The following TUBG1 variants were observed in gnomAD, a reference collection of about 807,000 sequenced individuals.
The protein encoded by TUBG1 is tubulin gamma 1.
In TUBG1, 22 loss-of-function variants were observed where a neutral mutation model predicts 53.3. The observed-to-expected ratio is 0.41, with a 90% CI of 0.29 to 0.59. TUBG1 has a LOEUF of 0.59. Ranked by LOEUF, TUBG1 falls within the 20% of genes least tolerant of loss-of-function variation. The pLI is 0.26. For synonymous variants in TUBG1, 198 were observed against 236.7 expected (o/e 0.84, Z 1.50); for missense variants, 217 against 598.9 (o/e 0.36, Z 6.66).
chr17:42,611,818 T>C (rs1280184356), intron 3 of TUBG1, among the ~76,000 whole-genome samples: 1 of 149,438 alleles, frequency 6.7e-6, no homozygotes, highest in Non-Finnish European at 1.5e-5. Flanking sequence ...ATCGCGCCAC[T>C]GCACTCCAGC....
At position 42,615,170 on chromosome 17, in the gene TUBG1, C is replaced by A. The variant is rs2052067142; in HGVS notation, c.*129C>A. 1 of 803,100 alleles carries A rather than the reference C, an allele frequency of 1.2e-6. No homozygotes were observed. Among genetic ancestry groups the A allele is most frequent in the Non-Finnish European group, 2.0e-6 (1 of 505,684 alleles). 49.7% of individuals were successfully genotyped at this position (803,100 alleles called of 1,614,324 possible). ...CTCATATACATGGACTCTCTGTTGG[C>A]CTGCAAACACATTTACTTCTCCTCT... is the stretch of plus-strand genomic sequence containing the variant. On this transcript the variant is annotated 3_prime_UTR_variant, in exon 11 of 11. Transcript: ENST00000251413.
At position 42,614,222 on chromosome 17, in the gene TUBG1, T is replaced by G; in HGVS notation, c.844-38T>G. On this transcript the variant is annotated intron_variant, in intron 8 of 10. Transcript: ENST00000251413. This position sits in a 1 kb window ranked among gnomAD's most constrained non-coding sequence, Gnocchi z 5.1. ...GAGAAGCCAAAGGGGGACTGTGCCC[T>G]GAGCGCTGGCCGGGTCCCTGTCTCA... 1 of 1,613,482 alleles carries G rather than the reference T, an allele frequency of 6.2e-7. No individual in the cohort carries two copies.
chr17:42,612,486 C>T lies in TUBG1; in HGVS notation c.459C>T (p.Leu153=), dbSNP rs750864269. The T allele has an allele frequency of 5.0e-6, 8 of 1,614,060 alleles. No individual in the cohort carries two copies. In the Admixed American group the frequency reaches 1.3e-4, roughly 27 times the overall value. ...CAGGCTCTGGACTGGGTTCCTACCT[C>T]TTAGAACGGCTGAATGACAGGTAAG... ...GGTGSGLGSY[L]LERLNDRYPK... The change falls in exon 5 of 11, where the codon CTC becomes CTT. Residue 153 remains leucine, a synonymous_variant. Transcript: ENST00000251413.
At chr17:42,611,673 T>C (rs747546409) in intron 3 of TUBG1, among the ~76,000 whole-genome samples, 2 of 152,144 alleles carry the variant, frequency 1.3e-5, no homozygotes, top group Non-Finnish European at 2.9e-5. Context: ...CTAGCCAACA[T>C]GGTGAAACTC....
chr17:42,611,192 G>C (rs1016266149), intron 3 of TUBG1: 1 of 152,188 alleles, frequency 6.6e-6, no homozygotes, highest in African/African-American at 2.4e-5. Context: ...GGGTGGTCTT[G>C]ATCTCCTGAC....
Position 42,610,457 on chromosome 17 carries a change from T to G in TUBG1, c.197T>G (p.Leu66Arg). 1 of 1,611,480 alleles carries G rather than the reference T, an allele frequency of 6.2e-7. No individual in the cohort carries two copies. Among genetic ancestry groups the G allele is most frequent in the Non-Finnish European group, 8.5e-7 (1 of 1,177,690 alleles). ...GAGCACTACATCCCCCGGGCCGTGC[T>G]GCTGGACTTGGAACCCCGGGTGATC... The part of the protein sequence containing the change: ...DDEHYIPRAV[L>R]LDLEPRVIHS... The change falls in exon 3 of 11, where the codon CTG becomes CGG. Residue 66 changes from leucine to arginine, a missense_variant. Leu to Arg is a moderately radical substitution (Grantham distance 102). Transcript: ENST00000251413.
In TUBG1 at chr17:42,613,627, A is replaced by T. The variant is rs2143454466; in HGVS notation, c.607-20A>T. On this transcript the variant is annotated intron_variant, in intron 6 of 10. Coordinates refer to ENST00000251413, the MANE Select transcript of TUBG1 (RefSeq NM_001070.5). ...TTTTTCTTATCCCCATTGATCTGTG[A>T]TCCTCTTCTGTCCCCCCAGGTGGTG... 6.2e-7 allele frequency: 1 copy of T among 1,613,954 alleles called. No homozygotes were observed. Among genetic ancestry groups the T allele is most frequent in the Non-Finnish European group, 8.5e-7 (1 of 1,179,972 alleles).
Position 42,614,836 on chromosome 17 carries a change from A to T in TUBG1, c.1159-8A>T. 1 of 1,614,052 alleles carries T rather than the reference A, an allele frequency of 6.2e-7. No individual in the cohort carries two copies. The highest frequency in any genetic ancestry group is 8.5e-7 in the Non-Finnish European group (1 of 1,179,970). ...TCTTTGTAACCCCTGTTTTCTGCAC[A>T]CCCCAAGCTCTTCGAGAGAACCTGT... On this transcript the variant is annotated splice_region_variant and splice_polypyrimidine_tract_variant and intron_variant, in intron 10 of 10. Transcript: ENST00000251413. This position sits in a 1 kb window ranked among gnomAD's most constrained non-coding sequence, Gnocchi z 5.1.
chr17:42,613,698 A>T lies in TUBG1; in HGVS notation c.658A>T (p.Ile220Phe). 1 of 1,614,010 alleles carries T rather than the reference A, an allele frequency of 6.2e-7. No individual in the cohort carries two copies. Among genetic ancestry groups the T allele is most frequent in the East Asian group, 2.2e-5 (1 of 44,872 alleles). Residue 220 changes from isoleucine to phenylalanine, a missense_variant, in exon 7 of 11, where the codon ATC (isoleucine) becomes TTC (phenylalanine). Ile to Phe is a conservative substitution (Grantham distance 21). Transcript: ENST00000251413. The stretch of plus-strand genomic sequence containing the variant: ...CCGGATTGCCACAGACCGCCTGCAC[A>T]TCCAGAACCCATCCTTCTCCCAGAT... Reference protein sequence around the residue: ...LNRIATDRLHIQNPSFSQINQ... With the variant: ...LNRIATDRLHFQNPSFSQINQ...
rs1567930155 is a variant in TUBG1, at chr17:42,610,189, G to C, written c.131G>C (p.Gly44Ala). Residue 44 changes from glycine (G) to alanine (A), a missense_variant, in exon 2 of 11, where the codon GGC becomes GCC. Physicochemically the swap from Gly to Ala is moderately conservative, Grantham distance 60. Around this residue, in one of 4 missense-constraint regions of TUBG1, gnomAD observed 57 missense variants for 169.3 expected, o/e 0.34. Coordinates refer to ENST00000251413, the MANE Select transcript of TUBG1 (RefSeq NM_001070.5). ...EGIVEEFATE[G>A]TDRKDVFFYQ... Reference sequence around the variant, plus strand: ...ATCGTGGAGGAGTTCGCCACCGAGGGCACTGACCGCAAGGACGTCTTTTTC... The same window carrying C: ...ATCGTGGAGGAGTTCGCCACCGAGGCCACTGACCGCAAGGACGTCTTTTTC... The C allele has an allele frequency of 6.2e-7, 1 of 1,614,280 alleles. No homozygotes were observed. Among genetic ancestry groups the C allele is most frequent in the Non-Finnish European group, 8.5e-7 (1 of 1,180,054 alleles).
chr17:42,612,420 C>T lies in TUBG1; in HGVS notation c.400-7C>T. On this transcript the variant is annotated splice_polypyrimidine_tract_variant and splice_region_variant and intron_variant, in intron 4 of 10. Transcript: ENST00000251413. ...ACCTGTACACTGACTGCCCCTTCCC[C>T]ATGCAGGGCTTTGTGCTGTGTCACT... 6.2e-7 allele frequency: 1 copy of T among 1,613,862 alleles called. No homozygotes were observed. Among genetic ancestry groups the T allele is most frequent in the Non-Finnish European group, 8.5e-7 (1 of 1,179,894 alleles).
intron 5 of TUBG1, 32 bp from the exon 6 acceptor site, chr17:42,612,915 G>A (rs768070420): frequency 1.9e-6 from 3 of 1,612,782 alleles, no homozygotes; most frequent in South Asian, 1.1e-5. Context: ...CCTTCGGTCT[G>A]TTGCCCTGAT....
chr17:42,614,657 G>A lies in TUBG1; in HGVS notation c.1158G>A (p.Ser386=), dbSNP rs764714140. The A allele has an allele frequency of 7.4e-6, 12 of 1,613,826 alleles. No individual in the cohort carries two copies. Among genetic ancestry groups the A allele is most frequent in the Admixed American group, 1.7e-5 (1 of 59,992 alleles). Residue 386 remains serine (S), a splice_region_variant and synonymous_variant, in exon 10 of 11, where the codon TCG becomes TCA. Coordinates refer to ENST00000251413, the MANE Select transcript of TUBG1 (RefSeq NM_001070.5). This position sits in a 1 kb window ranked among gnomAD's most constrained non-coding sequence, Gnocchi z 5.1. ...LMMANHTSIS[S]LFERTCRQYD... ...TGGCCAACCACACCAGCATCTCCTCGGTGAGTCTCAAAGTTTGCACCTTTT... is the reference window on the plus strand; with the variant it reads ...TGGCCAACCACACCAGCATCTCCTCAGTGAGTCTCAAAGTTTGCACCTTTT...
Position 42,615,211 on chromosome 17 carries a change from C to G in TUBG1, c.*170C>G. ...CTTCTCCTCTTATGAGACTATTTAT[C>G]TTTAATAAAGCACTGGATATAAATC... is the stretch of plus-strand genomic sequence containing the variant. On this transcript the variant is annotated 3_prime_UTR_variant, in exon 11 of 11. Transcript: ENST00000251413. 1.6e-6 allele frequency: 1 copy of G among 632,326 alleles called. No homozygotes were observed. Among genetic ancestry groups the G allele is most frequent in the South Asian group, 2.0e-5 (1 of 50,576 alleles). 39.2% of individuals were successfully genotyped at this position (632,326 alleles called of 1,614,324 possible).
In TUBG1 at chr17:42,614,160, G is replaced by C; in HGVS notation, c.844-100G>C. On this transcript the variant is annotated intron_variant, in intron 8 of 10. Coordinates refer to ENST00000251413, the MANE Select transcript of TUBG1 (RefSeq NM_001070.5). The surrounding 1 kb of genome is among the most constrained non-coding windows in gnomAD (Gnocchi z 5.1). ...GAGTGGGCGACTTTCTTGCTGACTT[G>C]CTCTCCACCCTCCCTCTGCCTTTGG... 9.4e-6 allele frequency: 15 copies of C among 1,595,000 alleles called. No individual in the cohort carries two copies. The highest frequency in any genetic ancestry group is 9.4e-6 in the Non-Finnish European group (11 of 1,168,962).
rs780727467 is a variant in TUBG1 at position 42,612,113 on chromosome 17, C to T, written c.369C>T (p.Asp123=). The T allele has an allele frequency of 3.7e-6, 6 of 1,614,066 alleles. No individual in the cohort carries two copies. The highest frequency in any genetic ancestry group is 1.7e-6 in the Non-Finnish European group (2 of 1,179,996). Residue 123 remains aspartate, a synonymous_variant, in exon 4 of 11, where the codon GAC becomes GAT. Coordinates refer to ENST00000251413, the MANE Select transcript of TUBG1 (RefSeq NM_001070.5). Reference sequence around the variant, plus strand: ...ATGAGGACATTTTTGACATCATAGACCGGGAGGCAGATGGTAGTGACAGTC... The same window carrying T: ...ATGAGGACATTTTTGACATCATAGATCGGGAGGCAGATGGTAGTGACAGTC... The part of the protein sequence containing the change: ...KIHEDIFDII[D]READGSDSLE...
rs1202777820 is a variant in TUBG1, at chr17:42,609,797, C to T, written c.49+11C>T. ...AGTGCGGCAATCAGAGTGAGCGAAA[C>T]TCCGGCCCCTCAGCTAGCCAGGTTC... is the stretch of plus-strand genomic sequence containing the variant. On this transcript the variant is annotated intron_variant, in intron 1 of 10. Transcript: ENST00000251413. The T allele has an allele frequency of 3.2e-6, 5 of 1,550,998 alleles. No homozygotes were observed. Among genetic ancestry groups the T allele is most frequent in the Non-Finnish European group, 4.4e-6 (5 of 1,146,722 alleles).
Position 42,612,412 on chromosome 17 carries a change from C to A in TUBG1, c.400-15C>A. 1 of 1,613,520 alleles carries A rather than the reference C, an allele frequency of 6.2e-7. No homozygotes were observed. ...CACTAGATACCTGTACACTGACTGC[C>A]CCTTCCCCATGCAGGGCTTTGTGCT... is the stretch of plus-strand genomic sequence containing the variant. On this transcript the variant is annotated splice_polypyrimidine_tract_variant and intron_variant, in intron 4 of 10. Transcript: ENST00000251413.
rs1210785748 is a variant in TUBG1, at chr17:42,614,397, G to A, written c.981G>A (p.Glu327=). Residue 327 remains glutamate, a synonymous_variant, in exon 9 of 11, where the codon GAG becomes GAA. Coordinates refer to ENST00000251413, the MANE Select transcript of TUBG1 (RefSeq NM_001070.5). This position sits in a 1 kb window ranked among gnomAD's most constrained non-coding sequence, Gnocchi z 5.1. The part of the protein sequence containing the change: ...YIAILNIIQG[E]VDPTQVHKSL... ...CCATCCTCAACATCATCCAGGGAGA[G>A]GTGGACCCCACCCAGGTAGGGGAGG... is the stretch of plus-strand genomic sequence containing the variant. 1 of 1,613,976 alleles carries A rather than the reference G, an allele frequency of 6.2e-7. No individual in the cohort carries two copies. Among genetic ancestry groups the A allele is most frequent in the Admixed American group, 1.7e-5 (1 of 60,018 alleles).
Sources: gnomAD v4.1 joint callset for allele counts (sites outside exome capture counted in the v4.1 genomes callset) on GRCh38, gnomAD v4.1.1 for gene constraint, gnomAD v4.1.1 regional missense constraint, Gnocchi (gnomAD v3.1) non-coding constraint, MANE v1.5 for transcripts, NCBI Gene and HGNC (gene_info 2026-07-23, HGNC 2026-07-21) for gene names.